Variants in FRYL observed in about 807,000 individuals in gnomAD.
The protein encoded by FRYL is FRY like transcription coactivator, also known as protein furry homolog-like.
Under a neutral mutation model 351.2 loss-of-function variants are expected in FRYL, and 150 were observed. The observed-to-expected ratio is 0.43, with a 90% CI of 0.37 to 0.49. The LOEUF (loss-of-function observed/expected upper bound fraction) is 0.49, where lower values mean the gene tolerates loss of function less well. Among genes scored for constraint, FRYL ranks in the 20% least tolerant of loss-of-function variants. The pLI, the probability that FRYL is intolerant of heterozygous loss-of-function variation, is 0.00. For synonymous variants in FRYL, 1,153 were observed against 1,257.1 expected (o/e 0.92, Z 1.75); for missense variants, 3,036 against 3,619.3 (o/e 0.84, Z 4.13).
chr4:48,671,854 A>AAAAC (rs1254632615), intron 3 of FRYL, among the ~76,000 whole-genome samples: 4 of 79,822 alleles, frequency 5.0e-5, no homozygotes, highest in Non-Finnish European at 1.0e-4. Flanking sequence ...CTCCGTCTCA[A>AAAAC]AAACAAAAAA....
At position 48,697,736 on chromosome 4, in the gene FRYL, C is replaced by T. The variant is rs889589272; in HGVS notation, c.-204+12783G>A. On this transcript the variant is annotated intron_variant, in intron 2 of 63. Transcript: ENST00000358350. ...TCAGGTGATCCACCCGCATGGGCCT[C>T]GCATGAGCCACCATGTCTGGCCCTA... is the stretch of plus-strand genomic sequence containing the variant. 3.9e-5 allele frequency among the ~76,000 whole-genome samples: 6 copies of T among 152,076 alleles called. No homozygotes were observed. In the East Asian group the frequency reaches 1.2e-3, roughly 29 times the overall value.
At chr4:48,562,765 C>T (rs368731714) in intron 32 of FRYL, 124 bp downstream of exon 32, 33 of 614,360 alleles carry the variant, frequency 5.4e-5, no homozygotes, top group South Asian at 4.8e-4. Context: ...GGCCTTGATA[C>T]CATAACTTCT....
chr4:48,567,407 G>A lies in FRYL; in HGVS notation c.3010C>T (p.Leu1004Phe). The change falls in exon 28 of 64, where the codon CTT (leucine) becomes TTT (phenylalanine). Residue 1004 changes from leucine to phenylalanine, a missense_variant. This residue lies in a region of FRYL where 492 missense variants were observed against 551.5 expected (regional missense o/e 0.89). Coordinates refer to ENST00000358350, the MANE Select transcript of FRYL (RefSeq NM_015030.2). The surrounding 1 kb of genome is among the most constrained non-coding windows in gnomAD (Gnocchi z 4.2). The part of the protein sequence containing the change: ...GVISHSASGG[L>F]DNETHFLNNT... Reference sequence around the variant, plus strand: ...TTGAGAAAATGTGTTTCATTATCAAGGCCACCACTTGCACTGAAAATATTG... The same window carrying A: ...TTGAGAAAATGTGTTTCATTATCAAAGCCACCACTTGCACTGAAAATATTG... 1 of 1,601,974 alleles carries A rather than the reference G, an allele frequency of 6.2e-7. No homozygotes were observed. The highest frequency in any genetic ancestry group is 8.5e-7 in the Non-Finnish European group (1 of 1,175,820).
chr4:48,562,497 T>G (rs1391029038), intron 32 of FRYL, among the ~76,000 whole-genome samples: 1 of 152,238 alleles, frequency 6.6e-6, no homozygotes, highest in Non-Finnish European at 1.5e-5. Flanking sequence ...CTCCTCAACC[T>G]AATAAAGAAA....
At chr4:48,563,544 TAC>T (rs1736005455) in intron 31 of FRYL, among the ~76,000 whole-genome samples, 1 of 151,884 alleles carries the variant, frequency 6.6e-6, no homozygotes, top group South Asian at 2.1e-4. Context: ...ACCTCGTCGC[TAC>T]AAAGAATTTA....
At chr4:48,600,573 C>A (rs1190296338) in intron 13 of FRYL, among the ~76,000 whole-genome samples, 1 of 152,088 alleles carries the variant, frequency 6.6e-6, no homozygotes, top group Non-Finnish European at 1.5e-5. Context: ...AGTTAAGGTA[C>A]TGCGAAGTAT....
chr4:48,557,282 T>C (rs959501709), intron 34 of FRYL, among the ~76,000 whole-genome samples, 164 bp from the exon 35 acceptor site: 1 of 151,874 alleles, frequency 6.6e-6, no homozygotes, highest in African/African-American at 2.4e-5. Context: ...AACATAAATA[T>C]AATTAATCAT....
chr4:48,686,484 C>T (rs1765162770), intron 2 of FRYL, among the ~76,000 whole-genome samples: 1 of 152,150 alleles, frequency 6.6e-6, no homozygotes, highest in South Asian at 2.1e-4. Flanking sequence ...ATCTTAGGTT[C>T]ATGGAATCAT....
chr4:48,516,511 A>G (rs1380640893), intron 55 of FRYL, among the ~76,000 whole-genome samples: 1 of 152,146 alleles, frequency 6.6e-6, no homozygotes, highest in East Asian at 1.9e-4. Context: ...GAGTATTTGG[A>G]CCTAAGTTAC....
chr4:48,645,960 G>A (rs1269489925), intron 3 of FRYL: 1 of 151,972 alleles, frequency 6.6e-6, no homozygotes, highest in Non-Finnish European at 1.5e-5. Context: ...TATCTTCAAC[G>A]ATATTACTAA....
chr4:48,582,777 A>G, intron 19 of FRYL, 43 bp from the exon 20 acceptor site: 1 of 1,285,278 alleles, frequency 7.8e-7, no homozygotes, highest in Non-Finnish European at 1.1e-6. Context: ...AATACCTTTC[A>G]ATTAGTTTTA....
chr4:48,537,434 T>G (rs937158232), intron 47 of FRYL, among the ~76,000 whole-genome samples: 1 of 152,188 alleles, frequency 6.6e-6, no homozygotes, highest in Non-Finnish European at 1.5e-5. Context: ...AGAAAAATAT[T>G]TGTCCTAAGT....
rs1224802554 is a variant in FRYL at position 48,582,559 on chromosome 4, C to T, written c.1924G>A (p.Val642Ile). Residue 642 changes from valine to isoleucine, a missense_variant, in exon 20 of 64, where the codon GTA (valine) becomes ATA (isoleucine). Around this residue, in one of 7 missense-constraint regions of FRYL, gnomAD observed 492 missense variants for 551.5 expected, o/e 0.89. Coordinates refer to ENST00000358350, the MANE Select transcript of FRYL (RefSeq NM_015030.2). ...TLLDNAVKMLVQLINQWKQAA... is the reference protein window; with the variant it reads ...TLLDNAVKMLIQLINQWKQAA... Reference sequence around the variant, plus strand: ...TGTTTCCACTGATTTATTAATTGTACCAACATCTTTACGGCATTATCAAGA... The same window carrying T: ...TGTTTCCACTGATTTATTAATTGTATCAACATCTTTACGGCATTATCAAGA... 1.2e-6 allele frequency: 2 copies of T among 1,613,904 alleles called. No homozygotes were observed. Among genetic ancestry groups the T allele is most frequent in the Non-Finnish European group, 8.5e-7 (1 of 1,179,972 alleles).
At position 48,719,742 on chromosome 4, in the gene FRYL, T is replaced by C. The variant is rs534399792; in HGVS notation, c.-383-9044A>G. On this transcript the variant is annotated intron_variant, in intron 1 of 63. Transcript: ENST00000358350. ...GTGGGACTCTCACATAGATTCATGA[T>C]GCAAGAACAACCACCCTCTATTTCC... Among the ~76,000 whole-genome samples the C allele has an allele frequency of 1.4e-4, 21 of 151,798 alleles. 1 individual carries two copies. The highest frequency in any genetic ancestry group is 6.3e-4 in the South Asian group (3 of 4,788).
At chr4:48,594,211 G>C (rs1744125254) in intron 15 of FRYL, among the ~76,000 whole-genome samples, 195 bp from the exon 16 acceptor site, 1 of 152,084 alleles carries the variant, frequency 6.6e-6, no homozygotes, top group Admixed American at 6.6e-5. Flanking sequence ...CAAATGATTT[G>C]TTTAATACCC....
At chr4:48,574,725 A>C (rs1739197009) in intron 25 of FRYL, among the ~76,000 whole-genome samples, 1 of 152,192 alleles carries the variant, frequency 6.6e-6, no homozygotes, top group South Asian at 2.1e-4. Flanking sequence ...ATACTTTTTG[A>C]AAGATACTCT....
At chr4:48,598,740 T>C (rs952073340) in intron 13 of FRYL, 23 of 393,066 alleles carry the variant, frequency 5.9e-5, no homozygotes, top group African/African-American at 4.8e-4. Context: ...ACATTAGACA[T>C]GCAATGCAAC....
intron 2 of FRYL, among the ~76,000 whole-genome samples, chr4:48,686,979 C>T (rs1765203570): frequency 6.6e-6 from 1 of 152,150 alleles, no homozygotes; most frequent in Non-Finnish European, 1.5e-5. Context: ...TTATACTTCA[C>T]TGGCTTTCTT....
intron 54 of FRYL, 110 bp from the exon 55 acceptor site, chr4:48,521,325 T>C (rs1413999187): frequency 2.7e-6 from 2 of 749,826 alleles, no homozygotes; most frequent in African/African-American, 3.6e-5. Flanking sequence ...GCTTCTGAGA[T>C]TTCCTAAAAT....
Sources: gnomAD v4.1 joint callset for allele counts (sites outside exome capture counted in the v4.1 genomes callset) on GRCh38, gnomAD v4.1.1 for gene constraint, gnomAD v4.1.1 regional missense constraint, Gnocchi (gnomAD v3.1) non-coding constraint, MANE v1.5 for transcripts, NCBI Gene and HGNC (gene_info 2026-07-23, HGNC 2026-07-21) for gene names.